The following KCNIP4 variants were observed in gnomAD, a reference collection of about 807,000 sequenced individuals.
The protein encoded by KCNIP4 is potassium voltage-gated channel interacting protein 4.
KCNIP4 carries 12 observed loss-of-function variants against 34.0 expected under a neutral mutation model. The ratio of observed to expected loss-of-function variants is 0.35; its 90% CI spans 0.23 to 0.57. The LOEUF (loss-of-function observed/expected upper bound fraction) is 0.57, where lower values mean the gene tolerates loss of function less well. Among genes scored for constraint, KCNIP4 ranks in the 20% least tolerant of loss-of-function variants. The pLI, the probability that KCNIP4 is intolerant of heterozygous loss-of-function variation, is 0.83. For missense variants in KCNIP4, 238 were observed against 311.7 expected, an observed-to-expected ratio of 0.76 and a Z score of 1.78; for synonymous variants, 124 against 102.2, an observed-to-expected ratio of 1.21 and a Z score of -1.29.
chr4:20,789,312 T>C (rs1231211360), intron 3 of KCNIP4, among the ~76,000 whole-genome samples: 1 of 152,084 alleles, frequency 6.6e-6, no homozygotes, highest in Non-Finnish European at 1.5e-5. Flanking sequence ...CCAGAATTCA[T>C]GTATTTAAAA....
At chr4:21,722,942 C>A (rs16871729) in intron 1 of KCNIP4, among the ~76,000 whole-genome samples, 14,979 of 152,042 alleles carry the variant, frequency 0.099, 2,480 homozygotes, top group African/African-American at 0.34. Flanking sequence ...TCCGTGTTAA[C>A]AACATGGTAA....
chr4:20,818,109 C>T (rs929880698), intron 3 of KCNIP4, among the ~76,000 whole-genome samples: 1 of 152,070 alleles, frequency 6.6e-6, no homozygotes. Context: ...TATGATGAGT[C>T]GATTTCTAAT....
intron 1 of KCNIP4, among the ~76,000 whole-genome samples, chr4:21,446,696 T>C (rs1728028213): frequency 6.6e-6 from 1 of 151,680 alleles, no homozygotes; most frequent in African/African-American, 2.4e-5. Context: ...CACACCAACA[T>C]GGCACATGTA....
intron 1 of KCNIP4, among the ~76,000 whole-genome samples, chr4:21,751,003 T>C (rs1717115437): frequency 6.6e-6 from 1 of 152,150 alleles, no homozygotes; most frequent in Non-Finnish European, 1.5e-5. Flanking sequence ...GGTCCTACTG[T>C]AGGACGTAGG....
intron 1 of KCNIP4, among the ~76,000 whole-genome samples, chr4:21,235,622 C>A (rs1185514283): frequency 6.6e-6 from 1 of 152,168 alleles, no homozygotes; most frequent in Non-Finnish European, 1.5e-5. Context: ...CTATATTTCT[C>A]TTGACAACAC....
intron 1 of KCNIP4, among the ~76,000 whole-genome samples, chr4:21,045,160 A>G (rs1267341477): frequency 6.6e-6 from 1 of 152,244 alleles, no homozygotes; most frequent in African/African-American, 2.4e-5. Context: ...AGTGTGTCCT[A>G]CAGGGAAATT....
chr4:21,695,359 T>A (rs1258165255), intron 1 of KCNIP4, among the ~76,000 whole-genome samples: 1 of 151,974 alleles, frequency 6.6e-6, no homozygotes, highest in African/African-American at 2.4e-5. Flanking sequence ...TCTCAGGTCA[T>A]AAATCTATGT....
At chr4:21,615,135 T>A (rs1744486590) in intron 1 of KCNIP4, among the ~76,000 whole-genome samples, 1 of 149,664 alleles carries the variant, frequency 6.7e-6, no homozygotes, top group African/African-American at 2.5e-5. Flanking sequence ...GAGAAAAGAG[T>A]GAAAGTAGAA....
At chr4:21,909,708 A>G (rs919337344) in intron 1 of KCNIP4, among the ~76,000 whole-genome samples, 1 of 152,126 alleles carries the variant, frequency 6.6e-6, no homozygotes, top group Non-Finnish European at 1.5e-5. Flanking sequence ...TGGGTAACTT[A>G]TAAAGAAAAA....
intron 1 of KCNIP4, among the ~76,000 whole-genome samples, chr4:21,597,445 C>T (rs922490586): frequency 6.6e-6 from 1 of 152,030 alleles, no homozygotes; most frequent in African/African-American, 2.4e-5. Flanking sequence ...GACTAATACA[C>T]CCATGAATAT....
chr4:21,544,122 T>C (rs536465475), intron 1 of KCNIP4, among the ~76,000 whole-genome samples: 1 of 152,258 alleles, frequency 6.6e-6, no homozygotes, highest in Non-Finnish European at 1.5e-5. Flanking sequence ...CTTTCCCAGC[T>C]TTTTGCATGA....
At chr4:21,917,868 T>C (rs1358364186) in intron 1 of KCNIP4, among the ~76,000 whole-genome samples, 1 of 152,204 alleles carries the variant, frequency 6.6e-6, no homozygotes, top group East Asian at 1.9e-4. Flanking sequence ...TTTCTCTCAG[T>C]AATCAACTGA....
intron 1 of KCNIP4, among the ~76,000 whole-genome samples, chr4:21,317,272 CAT>C (rs1230337568): frequency 6.6e-6 from 1 of 152,072 alleles, no homozygotes; most frequent in East Asian, 1.9e-4. Context: ...AATGATTTAA[CAT>C]AAAGTCCATC....
At chr4:21,412,348 A>G (rs1298314655) in intron 1 of KCNIP4, among the ~76,000 whole-genome samples, 1 of 152,124 alleles carries the variant, frequency 6.6e-6, no homozygotes, top group Non-Finnish European at 1.5e-5. Flanking sequence ...TCCCTTTCCA[A>G]GCTTTCTCCA....
Position 20,919,969 on chromosome 4 carries a change from C to A in KCNIP4, c.62-37260G>T, listed in dbSNP as rs1729231318. 2.0e-5 allele frequency among the ~76,000 whole-genome samples: 3 copies of A among 152,072 alleles called. No homozygotes were observed. The South Asian group carries it at 6.2e-4, about 32-fold the overall frequency. On this transcript the variant is annotated intron_variant, in intron 1 of 8. Transcript: ENST00000382152. ...GTCTTGCTTTGAAGTCTGAAGAGGA[C>A]CTGCTCGCTACTTATTTTGACTATG...
At chr4:21,772,739 T>C (rs1023432451) in intron 1 of KCNIP4, among the ~76,000 whole-genome samples, 2 of 152,226 alleles carry the variant, frequency 1.3e-5, no homozygotes, top group Non-Finnish European at 2.9e-5. Flanking sequence ...CTGATGGTGC[T>C]TTGTATTTCT....
At chr4:20,988,481 A>G (rs906535286) in intron 1 of KCNIP4, among the ~76,000 whole-genome samples, 1 of 152,190 alleles carries the variant, frequency 6.6e-6, no homozygotes, top group Non-Finnish European at 1.5e-5. Context: ...CTTGTTTTTT[A>G]TAGCTTCAGT....
chr4:21,723,307 A>G (rs1714958075), intron 1 of KCNIP4, among the ~76,000 whole-genome samples: 1 of 152,148 alleles, frequency 6.6e-6, no homozygotes, highest in Admixed American at 6.6e-5. Flanking sequence ...CCCAGGACCC[A>G]TATTAGAAAA....
intron 1 of KCNIP4, among the ~76,000 whole-genome samples, chr4:21,778,236 C>CTTTTTTTCTTTTTTTTTTT (rs1719319930): frequency 7.8e-5 from 2 of 25,760 alleles, no homozygotes; most frequent in Non-Finnish European, 1.5e-4. Context: ...TTTTTTTTTT[C>CTTTTTTTCTTTTTTTTTTT]TTTTTTTTTT....
Sources: allele counts gnomAD v4.1 joint callset (sites outside exome capture counted in the v4.1 genomes callset), GRCh38; gene constraint gnomAD v4.1.1; transcripts MANE v1.5; gene names NCBI Gene and HGNC (gene_info 2026-07-23, HGNC 2026-07-21).